The following MBP variants were observed in gnomAD, a reference collection of about 807,000 sequenced individuals.
The protein encoded by MBP is myelin basic protein.
In MBP, 16 loss-of-function variants were observed where a neutral mutation model predicts 35.8. The observed-to-expected ratio is 0.45, with a 90% CI of 0.30 to 0.68. The LOEUF is 0.68. Among genes scored for constraint, MBP ranks in the 30% least tolerant of loss-of-function variants. The pLI, the probability that MBP is intolerant of heterozygous loss-of-function variation, is 0.08. For synonymous variants in MBP, 143 were observed against 159.6 expected (o/e 0.90, Z 0.78); for missense variants, 380 against 404.7 (o/e 0.94, Z 0.52).
chr18:76,993,408 C>T (rs577623672), intron 4 of MBP, among the ~76,000 whole-genome samples: 138 of 152,232 alleles, frequency 9.1e-4, no homozygotes, highest in South Asian at 1.7e-3. Flanking sequence ...AAAAATTAGC[C>T]AGGCTTGGCG....
At chr18:77,053,761 C>T (rs572124027) in intron 3 of MBP, among the ~76,000 whole-genome samples, 3 of 152,334 alleles carry the variant, frequency 2.0e-5, no homozygotes, top group African/African-American at 7.2e-5. Context: ...GAGGGGTGTC[C>T]CACCTGTCAC....
chr18:76,985,794 C>A, intron 7 of MBP: 1 of 990,590 alleles, frequency 1.0e-6, no homozygotes, highest in South Asian at 4.6e-5. Flanking sequence ...GAACACAAGC[C>A]GTTCATGGAG....
chr18:77,006,213 T>C (rs546236579), intron 4 of MBP: 1 of 152,332 alleles, frequency 6.6e-6, no homozygotes, highest in Non-Finnish European at 1.5e-5. Flanking sequence ...GTGGACAGTG[T>C]CCTCCAAGTC....
At chr18:77,066,817 G>A (rs930117165) in intron 2 of MBP, among the ~76,000 whole-genome samples, 4 of 152,220 alleles carry the variant, frequency 2.6e-5, no homozygotes, top group Non-Finnish European at 5.9e-5. Context: ...TTTGATGGGA[G>A]AATGAGTCCT....
chr18:76,998,636 C>T (rs1167937100), intron 4 of MBP, among the ~76,000 whole-genome samples: 2 of 152,158 alleles, frequency 1.3e-5, no homozygotes, highest in African/African-American at 4.8e-5. Context: ...AATAGCAGCA[C>T]GCGGCATCGG....
chr18:77,059,360 TA>T (rs1973869387), intron 3 of MBP, among the ~76,000 whole-genome samples: 2 of 152,124 alleles, frequency 1.3e-5, no homozygotes, highest in Admixed American at 1.3e-4. Context: ...GTAGTTGAAT[TA>T]TTTTTTAGTT....
chr18:77,079,002 G>A (rs369875761), intron 2 of MBP, among the ~76,000 whole-genome samples: 2 of 152,340 alleles, frequency 1.3e-5, no homozygotes, highest in South Asian at 2.1e-4. Flanking sequence ...CCATCACTGA[G>A]CCCAGCAGGA....
intron 1 of MBP, among the ~76,000 whole-genome samples, chr18:77,112,190 C>CACACACACACAT (rs1568345472): frequency 6.6e-6 from 1 of 152,016 alleles, no homozygotes; most frequent in African/African-American, 2.4e-5. Flanking sequence ...CACACACACA[C>CACACACACACAT]GTGCGCGCGC....
At chr18:77,027,704 TAG>T (rs1432816708) in intron 3 of MBP, among the ~76,000 whole-genome samples, 1 of 152,224 alleles carries the variant, frequency 6.6e-6, no homozygotes, top group Non-Finnish European at 1.5e-5. Context: ...TTTATTTATT[TAG>T]AGATGGGGTC....
At position 76,986,481 on chromosome 18, in the gene MBP, G is replaced by C; in HGVS notation, c.751-1587C>G. ...GGGCTTCCCACCATACAAGCTACTT[G>C]CACAGTTTTCTTTTCATTCAGCCTG... On this transcript the variant is annotated intron_variant, in intron 7 of 8. Transcript: ENST00000355994. 5.1e-6 allele frequency: 5 copies of C among 985,518 alleles called. No individual in the cohort carries two copies. In the South Asian group the frequency reaches 1.4e-4, roughly 28 times the overall value. 61.0% of individuals were successfully genotyped at this position (985,518 alleles called of 1,614,324 possible).
chr18:77,108,384 T>C (rs1026900928), intron 1 of MBP: 8 of 152,200 alleles, frequency 5.3e-5, no homozygotes, highest in Admixed American at 1.3e-4. Flanking sequence ...CTCTGAAGCA[T>C]CTCTTGGGTA....
At chr18:77,001,435 A>T (rs1011622780) in intron 4 of MBP, among the ~76,000 whole-genome samples, 4 of 152,234 alleles carry the variant, frequency 2.6e-5, no homozygotes, top group African/African-American at 9.6e-5. Context: ...CAGGGTACCC[A>T]CGCTGCAGTT....
At chr18:77,125,203 C>T (rs1977011355) in intron 1 of MBP, among the ~76,000 whole-genome samples, 1 of 152,200 alleles carries the variant, frequency 6.6e-6, no homozygotes, top group South Asian at 2.1e-4. Flanking sequence ...CACCTCCACA[C>T]CTGCTTTCAG....
At chr18:76,986,523 TG>T in intron 7 of MBP, 1 of 985,600 alleles carries the variant, frequency 1.0e-6, no homozygotes, top group African/African-American at 1.7e-5. Context: ...GGAGTGAGCA[TG>T]GCCACTCAGA....
chr18:76,994,383 C>G (rs1568272523), intron 4 of MBP, among the ~76,000 whole-genome samples: 1 of 152,130 alleles, frequency 6.6e-6, no homozygotes, highest in Non-Finnish European at 1.5e-5. Context: ...ATGACTTAAA[C>G]TTTTTAAGTT....
At chr18:76,995,828 G>C (rs990621884) in intron 4 of MBP, among the ~76,000 whole-genome samples, 3 of 152,080 alleles carry the variant, frequency 2.0e-5, no homozygotes, top group Non-Finnish European at 4.4e-5. Flanking sequence ...AGGAAAAAAT[G>C]GATAAATTGG....
intron 8 of MBP, 51 bp from the exon 9 acceptor site, chr18:76,980,522 A>C (rs1447533787): frequency 5.0e-6 from 7 of 1,408,242 alleles, no homozygotes; most frequent in Non-Finnish European, 6.0e-6. Context: ...GGGTCCTCCC[A>C]CACCAGCATC....
At chr18:77,107,144 T>G (rs980931841) in intron 1 of MBP, among the ~76,000 whole-genome samples, 1 of 152,172 alleles carries the variant, frequency 6.6e-6, no homozygotes, top group African/African-American at 2.4e-5. Context: ...AATAAAAACA[T>G]GTCAAATATC....
At chr18:77,098,469 G>A (rs1975861167) in intron 2 of MBP, among the ~76,000 whole-genome samples, 1 of 152,148 alleles carries the variant, frequency 6.6e-6, no homozygotes, top group Non-Finnish European at 1.5e-5. Context: ...GTGTGGGGAT[G>A]GATGAATGCA....
Sources: allele counts gnomAD v4.1 joint callset (sites outside exome capture counted in the v4.1 genomes callset), GRCh38; gene constraint gnomAD v4.1.1; transcripts MANE v1.5; gene names NCBI Gene and HGNC (gene_info 2026-07-23, HGNC 2026-07-21).